ARID1B: variants seen among roughly 807,000 people sequenced by gnomAD.
ARID1B encodes the protein AT-rich interactive domain-containing protein 1B.
In ARID1B, 30 loss-of-function variants were observed where a neutral mutation model predicts 212.3. That is an observed-to-expected ratio of 0.14 (90% CI 0.11 to 0.19). The LOEUF is 0.19. Among genes scored for constraint, ARID1B ranks in the 10% least tolerant of loss-of-function variants. The probability of loss-of-function intolerance (pLI) is 1.00; values close to 1 mark genes in which losing one functional copy is unlikely to be tolerated. For synonymous variants in ARID1B, 1,402 were observed against 1,301.7 expected (o/e 1.08, Z -1.66); for missense variants, 2,891 against 3,204.0 (o/e 0.90, Z 2.36).
In ARID1B at chr6:157,206,225, T is replaced by C; in HGVS notation, c.5453T>C (p.Phe1818Ser). 6.2e-7 allele frequency: 1 copy of C among 1,614,226 alleles called. No homozygotes were observed. Among genetic ancestry groups the C allele is most frequent in the Non-Finnish European group, 8.5e-7 (1 of 1,180,044 alleles). The change falls in exon 20 of 20, where the codon TTT (phenylalanine) becomes TCT (serine). Residue 1818 changes from phenylalanine (F) to serine (S), a missense_variant. Coordinates refer to ENST00000636930, the MANE Select transcript of ARID1B (RefSeq NM_001374828.1). This position sits in a 1 kb window ranked among gnomAD's most constrained non-coding sequence, Gnocchi z 6.8. ...TTTAGAAAATGCCTGATTGACATTT[T>C]TGGAATTCTTATGGAATATGAAGTG... ...EYFRKCLIDI[F>S]GILMEYEVGD...
At chr6:156,806,232 A>G (rs917584392) in intron 1 of ARID1B, among the ~76,000 whole-genome samples, 3 of 152,208 alleles carry the variant, frequency 2.0e-5, no homozygotes, top group Admixed American at 6.5e-5. Flanking sequence ...CAGCACATTC[A>G]ACAAACTTTT....
intron 8 of ARID1B, among the ~76,000 whole-genome samples, chr6:157,162,089 A>T (rs1280237949): frequency 6.6e-6 from 1 of 152,224 alleles, no homozygotes; most frequent in Admixed American, 6.5e-5. Flanking sequence ...AAAGAACTGT[A>T]TCAGAAACCC....
At chr6:156,921,270 T>C (rs568945777) in intron 3 of ARID1B, among the ~76,000 whole-genome samples, 2 of 152,250 alleles carry the variant, frequency 1.3e-5, no homozygotes, top group South Asian at 2.1e-4. Context: ...ATAAAGTGAC[T>C]AAAGAAATAA....
At chr6:156,905,403 T>C (rs1789296740) in intron 3 of ARID1B, among the ~76,000 whole-genome samples, 1 of 152,158 alleles carries the variant, frequency 6.6e-6, no homozygotes, top group African/African-American at 2.4e-5. Context: ...TGCTGGAGAA[T>C]TCCTTCTTGC....
intron 4 of ARID1B, among the ~76,000 whole-genome samples, chr6:157,079,763 C>T (rs768663557): frequency 2.6e-5 from 4 of 152,000 alleles, no homozygotes; most frequent in Non-Finnish European, 5.9e-5. Flanking sequence ...TGATATTTAC[C>T]GATGAACAAT....
intron 2 of ARID1B, among the ~76,000 whole-genome samples, chr6:156,880,818 G>A (rs1400144793): frequency 6.7e-6 from 1 of 149,468 alleles, no homozygotes; most frequent in East Asian, 1.9e-4. Flanking sequence ...TAGTTATTAA[G>A]CTTTTAGTAT....
rs115583749 is a variant in ARID1B at position 157,146,479 on chromosome 6, A to G, written c.2762-2145A>G. ...TGCTCATTCAGAGGACTCTCCACCAACCCCCACCAAGGGGACCCTCAAGCC... is the reference window on the plus strand; with the variant it reads ...TGCTCATTCAGAGGACTCTCCACCAGCCCCCACCAAGGGGACCCTCAAGCC... On this transcript the variant is annotated intron_variant, in intron 7 of 19. Coordinates refer to ENST00000636930, the MANE Select transcript of ARID1B (RefSeq NM_001374828.1). Among the ~76,000 whole-genome samples the G allele has an allele frequency of 9.2e-3, 1,386 of 150,774 alleles. 25 individuals are homozygous for G. The highest frequency in any genetic ancestry group is 0.032 in the African/African-American group (1,322 of 41,016).
chr6:157,149,028 C>T, intron 8 of ARID1B, 77 bp downstream of exon 8: 1 of 1,422,630 alleles, frequency 7.0e-7, no homozygotes, highest in Non-Finnish European at 9.6e-7. Context: ...CACATAGCTG[C>T]ATTGTTCCCT....
chr6:157,044,306 A>ATG (rs1782080594), intron 4 of ARID1B, among the ~76,000 whole-genome samples: 1 of 151,552 alleles, frequency 6.6e-6, no homozygotes, highest in African/African-American at 2.4e-5. Context: ...ACTGTGGAAA[A>ATG]TGTGTAGCCT....
chr6:157,200,651 G>C lies in ARID1B; in HGVS notation c.4480-54G>C. ...TAACTATTTTGCATAATTTCAGTGT[G>C]TGATTATACCTGTAAGAGCACATCA... On this transcript the variant is annotated intron_variant, in intron 17 of 19. Transcript: ENST00000636930. The surrounding 1 kb of genome is among the most constrained non-coding windows in gnomAD (Gnocchi z 4.3). 6.6e-7 allele frequency: 1 copy of C among 1,520,504 alleles called. No homozygotes were observed. The highest frequency in any genetic ancestry group is 2.3e-5 in the East Asian group (1 of 44,080). 94.2% of individuals were successfully genotyped at this position (1,520,504 alleles called of 1,614,324 possible).
chr6:157,118,245 C>T (rs1305034615), intron 6 of ARID1B, among the ~76,000 whole-genome samples: 1 of 152,134 alleles, frequency 6.6e-6, no homozygotes, highest in African/African-American at 2.4e-5. Flanking sequence ...ATACTTTTTT[C>T]TGTTTTGCAA....
chr6:157,001,483 G>A (rs1289906929), intron 4 of ARID1B, among the ~76,000 whole-genome samples: 1 of 152,182 alleles, frequency 6.6e-6, no homozygotes, highest in African/African-American at 2.4e-5. Context: ...CTTTCTAGGG[G>A]AGAGGAGCCT....
chr6:156,857,266 A>G (rs79551496), intron 2 of ARID1B, among the ~76,000 whole-genome samples: 3,077 of 152,306 alleles, frequency 0.02, 97 homozygotes, highest in African/African-American at 0.069. Flanking sequence ...TTTTCTGATA[A>G]CAAAACAATA....
In ARID1B at chr6:156,778,661, C is replaced by A; in HGVS notation, c.981C>A (p.Pro327=). 6.7e-7 allele frequency: 1 copy of A among 1,487,546 alleles called. No individual in the cohort carries two copies. The highest frequency in any genetic ancestry group is 1.5e-5 in the African/African-American group (1 of 68,804). The allele number at this position is 1,487,546 out of a possible 1,614,324, so 92.1% of individuals were successfully genotyped here. The change falls in exon 1 of 20, where the codon CCC becomes CCA. Residue 327 remains proline (P), a synonymous_variant. Transcript: ENST00000636930. ...YGSAAPASGG[P]GGRAGPCFDQ... Reference sequence around the variant, plus strand: ...GCGCTGCCCCTGCGAGCGGCGGCCCCGGCGGCCGCGCTGGGCCTTGCTTTG... The same window carrying A: ...GCGCTGCCCCTGCGAGCGGCGGCCCAGGCGGCCGCGCTGGGCCTTGCTTTG...
chr6:156,980,666 C>T (rs1263556922), intron 4 of ARID1B, among the ~76,000 whole-genome samples: 1 of 152,074 alleles, frequency 6.6e-6, no homozygotes, highest in Non-Finnish European at 1.5e-5. Flanking sequence ...ACTGTTGTGG[C>T]TGAGGATCTG....
chr6:157,129,572 G>T (rs886958274), intron 6 of ARID1B, among the ~76,000 whole-genome samples: 4 of 152,206 alleles, frequency 2.6e-5, no homozygotes, highest in African/African-American at 9.6e-5. Context: ...ATGTAAGGAG[G>T]TAGATTCCAC....
intron 4 of ARID1B, among the ~76,000 whole-genome samples, chr6:157,039,694 C>CTTCCTTCCTTCCTT (rs1554287218): frequency 0.024 from 1,415 of 58,450 alleles, 63 homozygotes; most frequent in Admixed American, 0.11. Context: ...TCCTTCCTTC[C>CTTCCTTCCTTCCTT]TTCTTTCTTT....
chr6:156,963,029 C>T (rs559550290), intron 4 of ARID1B, among the ~76,000 whole-genome samples: 1 of 151,882 alleles, frequency 6.6e-6, no homozygotes, highest in Non-Finnish European at 1.5e-5. Context: ...GATCCACCCA[C>T]CTCGGCCCTC....
intron 1 of ARID1B, among the ~76,000 whole-genome samples, chr6:156,821,717 G>A (rs537276834): frequency 6.6e-6 from 1 of 152,332 alleles, no homozygotes; most frequent in East Asian, 1.9e-4. Context: ...ATTTGATAAT[G>A]TAAGTCTGGG....
Sources: gnomAD v4.1 joint callset for allele counts (sites outside exome capture counted in the v4.1 genomes callset) on GRCh38, gnomAD v4.1.1 for gene constraint, Gnocchi (gnomAD v3.1) non-coding constraint, MANE v1.5 for transcripts, NCBI Gene and HGNC (gene_info 2026-07-23, HGNC 2026-07-21) for gene names.